The following ERBIN variants were observed in gnomAD, a reference collection of about 807,000 sequenced individuals.
ERBIN encodes the protein densin-180-like protein.
Under a neutral mutation model 158.4 loss-of-function variants are expected in ERBIN, and 60 were observed. That is an observed-to-expected ratio of 0.38 (90% CI 0.31 to 0.47). The LOEUF (loss-of-function observed/expected upper bound fraction) is 0.47. ERBIN is among the 20% of genes least tolerant of loss of function. The pLI, the probability that ERBIN is intolerant of heterozygous loss-of-function variation, is 0.99. For synonymous variants in ERBIN, 594 were observed against 557.2 expected, an observed-to-expected ratio of 1.07 and a Z score of -0.93; for missense variants, 1,610 against 1,648.0, an observed-to-expected ratio of 0.98 and a Z score of 0.40.
intron 21 of ERBIN, chr5:66,055,232 A>C (rs771187007): frequency 1.3e-4 from 63 of 469,852 alleles, no homozygotes; most frequent in Non-Finnish European, 1.8e-4. Context: ...CATACTAAAA[A>C]TACACGTACC....
chr5:65,955,333 AAATC>A (rs990958393), intron 1 of ERBIN, among the ~76,000 whole-genome samples: 1 of 152,134 alleles, frequency 6.6e-6, no homozygotes, highest in African/African-American at 2.4e-5. Context: ...CTTGAAAAGA[AAATC>A]AACTCTGAGG....
intron 4 of ERBIN, among the ~76,000 whole-genome samples, chr5:66,001,083 T>C (rs1215323036): frequency 6.6e-6 from 1 of 152,150 alleles, no homozygotes; most frequent in African/African-American, 2.4e-5. Context: ...ATTTGAATTT[T>C]GTTGCATTTT....
chr5:65,941,244 C>T (rs552506164), intron 1 of ERBIN, among the ~76,000 whole-genome samples: 122 of 151,012 alleles, frequency 8.1e-4, no homozygotes, highest in African/African-American at 2.9e-3. Context: ...TATCTGCTGA[C>T]CCTCCCTCCA....
chr5:65,937,065 T>C (rs1351102637), intron 1 of ERBIN, among the ~76,000 whole-genome samples: 1 of 152,236 alleles, frequency 6.6e-6, no homozygotes, highest in African/African-American at 2.4e-5. Flanking sequence ...GACTTACTAA[T>C]TATGACATTG....
chr5:66,078,016 A>G (rs890341664), intron 25 of ERBIN, among the ~76,000 whole-genome samples: 6 of 152,216 alleles, frequency 3.9e-5, no homozygotes, highest in Non-Finnish European at 5.9e-5. Flanking sequence ...GGTACACAGT[A>G]GAACCTCAGT....
intron 1 of ERBIN, among the ~76,000 whole-genome samples, chr5:65,942,550 A>G (rs1745184910): frequency 6.6e-6 from 1 of 152,256 alleles, no homozygotes; most frequent in African/African-American, 2.4e-5. Context: ...AAAAGTTTAC[A>G]TCAATATTTG....
intron 7 of ERBIN, among the ~76,000 whole-genome samples, chr5:66,018,577 TAATA>T (rs1755278108): frequency 3.8e-5 from 2 of 53,004 alleles, no homozygotes; most frequent in East Asian, 3.9e-4. Context: ...TTATATTATA[TAATA>T]TATATTATAT....
intron 4 of ERBIN, among the ~76,000 whole-genome samples, chr5:65,995,348 C>G (rs1434455899): frequency 1.3e-5 from 2 of 148,736 alleles, no homozygotes; most frequent in East Asian, 2.0e-4. Context: ...CAGCAAGATT[C>G]CATATGTAAG....
intron 1 of ERBIN, among the ~76,000 whole-genome samples, chr5:65,944,701 T>G (rs1561277960): frequency 6.6e-6 from 1 of 152,216 alleles, no homozygotes; most frequent in Non-Finnish European, 1.5e-5. Context: ...ATACCTGGCC[T>G]TATTATGGTT....
intron 1 of ERBIN, among the ~76,000 whole-genome samples, chr5:65,938,924 T>G (rs936919966): frequency 6.6e-6 from 1 of 152,188 alleles, no homozygotes. Context: ...ATCAGTCATA[T>G]GAGAATGGCC....
intron 1 of ERBIN, among the ~76,000 whole-genome samples, chr5:65,948,279 A>G (rs138252558): frequency 5.8e-4 from 88 of 151,506 alleles, no homozygotes; most frequent in African/African-American, 1.5e-3. Flanking sequence ...GGCTCAAGCA[A>G]TCTTCCCGCC....
At chr5:65,938,442 C>T (rs1276248653) in intron 1 of ERBIN, among the ~76,000 whole-genome samples, 1 of 148,878 alleles carries the variant, frequency 6.7e-6, no homozygotes, top group Non-Finnish European at 1.5e-5. Context: ...GTGATCATAG[C>T]TCACTGCAGC....
At chr5:66,035,778 T>TTA (rs1757335226) in intron 14 of ERBIN, among the ~76,000 whole-genome samples, 1 of 152,178 alleles carries the variant, frequency 6.6e-6, no homozygotes, top group Non-Finnish European at 1.5e-5. Context: ...TGCCATTTTA[T>TTA]TATATGTGGC....
intron 1 of ERBIN, among the ~76,000 whole-genome samples, chr5:65,951,384 A>G (rs533576818): frequency 6.6e-6 from 1 of 152,334 alleles, no homozygotes; most frequent in East Asian, 1.9e-4. Flanking sequence ...AGTGCTCAAT[A>G]AGTATTATGT....
chr5:65,942,267 G>T (rs1214723130), intron 1 of ERBIN, among the ~76,000 whole-genome samples: 3 of 152,176 alleles, frequency 2.0e-5, no homozygotes, highest in Non-Finnish European at 4.4e-5. Context: ...ATTAGAAAAA[G>T]AAATCCAAGT....
At chr5:65,953,074 T>C (rs1746709232) in intron 1 of ERBIN, among the ~76,000 whole-genome samples, 1 of 152,344 alleles carries the variant, frequency 6.6e-6, no homozygotes, top group African/African-American at 2.4e-5. Flanking sequence ...ACTGTGGTGG[T>C]ACAAAGTTAC....
intron 4 of ERBIN, among the ~76,000 whole-genome samples, chr5:66,005,502 C>T (rs956861330): frequency 6.6e-6 from 1 of 151,960 alleles, no homozygotes; most frequent in Non-Finnish European, 1.5e-5. Context: ...GATGCATTCG[C>T]CAAGGGCATG....
intron 1 of ERBIN, among the ~76,000 whole-genome samples, chr5:65,938,223 T>C (rs900214215): frequency 6.6e-6 from 1 of 152,196 alleles, no homozygotes; most frequent in African/African-American, 2.4e-5. Context: ...ATTGCATTAT[T>C]ATCTGGCTAT....
At chr5:66,069,895 G>A (rs953048145) in intron 21 of ERBIN, among the ~76,000 whole-genome samples, 2 of 152,030 alleles carry the variant, frequency 1.3e-5, no homozygotes, top group Non-Finnish European at 2.9e-5. Context: ...TACAGAATAG[G>A]AGCAATCTCC....
Sources: allele counts gnomAD v4.1 joint callset (sites outside exome capture counted in the v4.1 genomes callset), GRCh38; gene constraint gnomAD v4.1.1; transcripts MANE v1.5; gene names NCBI Gene and HGNC (gene_info 2026-07-23, HGNC 2026-07-21).